The following COPA variants were observed in gnomAD, a reference collection of about 807,000 sequenced individuals.
COPA encodes coat protein complex I subunit alpha, also known as coatomer subunit alpha.
In COPA, 10 loss-of-function variants were observed where a neutral mutation model predicts 158.7. That is an observed-to-expected ratio of 0.06 (90% CI 0.04 to 0.11). The LOEUF (loss-of-function observed/expected upper bound fraction) is 0.11. Among genes scored for constraint, COPA ranks in the 10% least tolerant of loss-of-function variants. The pLI, the probability that COPA is intolerant of heterozygous loss-of-function variation, is 1.00. For synonymous variants in COPA, 462 were observed against 542.8 expected (o/e 0.85, Z 2.07); for missense variants, 1,065 against 1,536.7 (o/e 0.69, Z 5.13).
intron 17 of COPA, among the ~76,000 whole-genome samples, chr1:160,301,895 C>A (rs993396919): frequency 6.6e-6 from 1 of 151,526 alleles, no homozygotes; most frequent in Admixed American, 6.6e-5. Context: ...TAGCAAAATT[C>A]CTTCATAGAA....
rs112484426 is a variant in COPA at position 160,335,798 on chromosome 1, G to A, written c.229-476C>T. ...CTCGGGAGGCTGAGGCAGGAGAATC[G>A]CTTGAACTCAGGATACAAGAGGTTG... is the stretch of plus-strand genomic sequence containing the variant. On this transcript the variant is annotated intron_variant, in intron 3 of 32. Transcript: ENST00000241704. Among the ~76,000 whole-genome samples, 522 of 147,534 alleles carry A rather than the reference G, an allele frequency of 3.5e-3. 4 individuals are homozygous for A. Among genetic ancestry groups the A allele is most frequent in the African/African-American group, 0.012 (485 of 39,670 alleles).
In COPA at chr1:160,309,065, T is replaced by G. The variant is rs113093799; in HGVS notation, c.1219+36A>C. The G allele has an allele frequency of 1.5e-3, 2,246 of 1,540,394 alleles. 34 individuals carry two copies. The African/African-American group carries it at 0.026, about 18-fold the overall frequency. ...GAGTTATGATGCGGGTGAGGAGAGC[T>G]GGAAGCAGAGTGGGGTAGACAAAAA... On this transcript the variant is annotated intron_variant, in intron 13 of 32. Transcript: ENST00000241704.
At chr1:160,303,153 T>G (rs1658670809) in intron 17 of COPA, among the ~76,000 whole-genome samples, 1 of 152,034 alleles carries the variant, frequency 6.6e-6, no homozygotes, top group Non-Finnish European at 1.5e-5. Context: ...GAGCCAAGAT[T>G]ACGCCACTGT....
At chr1:160,322,273 A>G (rs901119591) in intron 8 of COPA, among the ~76,000 whole-genome samples, 2 of 152,170 alleles carry the variant, frequency 1.3e-5, no homozygotes, top group Non-Finnish European at 2.9e-5. Flanking sequence ...ACATAAACCA[A>G]TGGAACAGAA....
At chr1:160,337,859 T>C (rs1173758385) in intron 3 of COPA, among the ~76,000 whole-genome samples, 2 of 151,864 alleles carry the variant, frequency 1.3e-5, no homozygotes, top group Admixed American at 6.6e-5. Context: ...TCAAATACCA[T>C]ACAATTTATT....
chr1:160,338,662 A>C (rs1190194794), intron 3 of COPA, among the ~76,000 whole-genome samples: 1 of 152,132 alleles, frequency 6.6e-6, no homozygotes, highest in Admixed American at 6.6e-5. Context: ...CTTCCAAATT[A>C]AGCAATTCAA....
intron 3 of COPA, 142 bp from the exon 4 acceptor site, chr1:160,335,464 T>C (rs1647712468): frequency 3.6e-6 from 2 of 551,514 alleles, no homozygotes; most frequent in South Asian, 8.6e-5. Context: ...CATTTCTAAA[T>C]AGGTAGGAAC....
chr1:160,303,106 G>A (rs185299687), intron 17 of COPA, among the ~76,000 whole-genome samples: 33 of 152,216 alleles, frequency 2.2e-4, no homozygotes, highest in Non-Finnish European at 4.6e-4. Context: ...CTGGGAGACA[G>A]GAGAATCACT....
At chr1:160,291,191 A>G in intron 31 of COPA, 144 bp downstream of exon 31, 1 of 913,760 alleles carries the variant, frequency 1.1e-6, no homozygotes, top group Non-Finnish European at 1.7e-6. Flanking sequence ...CCAAGTCAGG[A>G]AGTAAACAGA....
chr1:160,297,416 A>T lies in COPA; in HGVS notation c.2190T>A (p.Ser730Arg), dbSNP rs780525488. The T allele has an allele frequency of 6.2e-7, 1 of 1,613,964 alleles. No homozygotes were observed. The highest frequency in any genetic ancestry group is 1.3e-5 in the African/African-American group (1 of 74,880). ...GGTATAGGGCATTCTGATAGTGGCC[A>T]CTCATGTCCTTTCTGATCTCAGCTG... ...MKIAEIRKDM[S>R]GHYQNALYLG... Residue 730 changes from serine to arginine, a missense_variant, in exon 21 of 33, where the codon AGT becomes AGA. Ser to Arg is a moderately radical substitution (Grantham distance 110). Coordinates refer to ENST00000241704, the MANE Select transcript of COPA (RefSeq NM_004371.4).
At chr1:160,326,818 T>C (rs1471252539) in intron 6 of COPA, among the ~76,000 whole-genome samples, 2 of 152,188 alleles carry the variant, frequency 1.3e-5, no homozygotes, top group Non-Finnish European at 2.9e-5. Flanking sequence ...ATTAAAACCT[T>C]TGGAGGCTAG....
rs751333455 is a variant in COPA at position 160,311,936 on chromosome 1, G to A, written c.1008C>T (p.Val336=). The change falls in exon 11 of 33, where the codon GTC becomes GTT. Residue 336 remains valine (V), a synonymous_variant. Transcript: ENST00000241704. The part of the protein sequence containing the change: ...YAVHGNMLHY[V]KDRFLRQLDF... ...CCAGCTGTCGTAAGAATCGGTCCTT[G>A]ACATAGTGTAGCATATTGCCATGAA... The A allele has an allele frequency of 6.2e-7, 1 of 1,614,110 alleles. No homozygotes were observed.
Position 160,313,156 on chromosome 1 carries a change from T to A in COPA, c.854A>T (p.Gln285Leu). ...VWDMSKRTGV[Q>L]TFRRDHDRFW... ...ACGATCATGGTCTCTGCGGAAAGTC[T>A]GAACCCCAGTCCTAGAAAAGGTACA... is the stretch of plus-strand genomic sequence containing the variant. The change falls in exon 10 of 33, where the codon CAG becomes CTG. Residue 285 changes from glutamine (Q) to leucine (L), a missense_variant. Coordinates refer to ENST00000241704, the MANE Select transcript of COPA (RefSeq NM_004371.4). 1 of 1,614,106 alleles carries A rather than the reference T, an allele frequency of 6.2e-7. No homozygotes were observed. The highest frequency in any genetic ancestry group is 8.5e-7 in the Non-Finnish European group (1 of 1,179,968).
intron 6 of COPA, among the ~76,000 whole-genome samples, chr1:160,327,134 T>G (rs745730061): frequency 6.6e-6 from 1 of 152,212 alleles, no homozygotes; most frequent in African/African-American, 2.4e-5. Flanking sequence ...TAAAATCCTA[T>G]ATTTTGAAGT....
chr1:160,333,297 T>A (rs1356938790), intron 5 of COPA, among the ~76,000 whole-genome samples: 1 of 152,218 alleles, frequency 6.6e-6, no homozygotes, highest in African/African-American at 2.4e-5. Context: ...AAACACAAAA[T>A]AAGACAAAGG....
At chr1:160,297,297 A>C (rs878873192) in intron 21 of COPA, 46 bp downstream of exon 21, 2 of 1,548,616 alleles carry the variant, frequency 1.3e-6, no homozygotes, top group Admixed American at 3.4e-5. Flanking sequence ...AAACAGAAAA[A>C]TACTTCCTCA....
chr1:160,313,232 GA>G, intron 9 of COPA, 65 bp from the exon 10 acceptor site: 1 of 1,423,592 alleles, frequency 7.0e-7, no homozygotes. Flanking sequence ...TCCTACACAA[GA>G]ATATTAAATG....
At chr1:160,308,914 A>C (rs887934300) in intron 13 of COPA, 187 bp downstream of exon 13, 5 of 535,258 alleles carry the variant, frequency 9.3e-6, no homozygotes, top group African/African-American at 7.8e-5. Context: ...CTGGGGTAAT[A>C]AAATGGAGGA....
Position 160,290,135 on chromosome 1 carries a change from A to C in COPA, c.*22T>G. The C allele has an allele frequency of 6.2e-7, 1 of 1,612,300 alleles. No homozygotes were observed. The highest frequency in any genetic ancestry group is 8.5e-7 in the Non-Finnish European group (1 of 1,178,444). ...CTCTGGGGGGAACATATGGTGACTG[A>C]CCCATGCACACAAAGGGGGCCTTAG... On this transcript the variant is annotated 3_prime_UTR_variant, in exon 33 of 33. Coordinates refer to ENST00000241704, the MANE Select transcript of COPA (RefSeq NM_004371.4).
Sources: gnomAD v4.1 joint callset for allele counts (sites outside exome capture counted in the v4.1 genomes callset) on GRCh38, gnomAD v4.1.1 for gene constraint, MANE v1.5 for transcripts, NCBI Gene and HGNC (gene_info 2026-07-23, HGNC 2026-07-21) for gene names.